Variants in MDGA2 observed in about 807,000 individuals in gnomAD.
MDGA2 encodes the protein MAM domain-containing glycosylphosphatidylinositol anchor protein 2.
In MDGA2, 40 loss-of-function variants were observed where a neutral mutation model predicts 117.8. The observed-to-expected ratio is 0.34, with a 90% confidence interval of 0.26 to 0.44. MDGA2 has a LOEUF of 0.44. MDGA2 is among the 20% of genes least tolerant of loss of function. The probability of loss-of-function intolerance (pLI) is 1.00; values close to 1 mark genes in which losing one functional copy is unlikely to be tolerated. For synonymous variants in MDGA2, 452 were observed against 439.0 expected (o/e 1.03, Z -0.37); for missense variants, 1,123 against 1,250.6 (o/e 0.90, Z 1.54).
Position 47,255,710 on chromosome 14 carries a change from C to T in MDGA2, c.421-37515G>A, listed in dbSNP as rs551922421. On this transcript the variant is annotated intron_variant, in intron 2 of 16. Transcript: ENST00000399232. The stretch of plus-strand genomic sequence containing the variant: ...TTTAATAGGTGCATTAGCTTTTATT[C>T]TGTCAACTGCTTGTCATAGTACCTC... 2.2e-4 allele frequency among the ~76,000 whole-genome samples: 34 copies of T among 152,010 alleles called. No homozygotes were observed. In the South Asian group the frequency reaches 6.6e-3, roughly 30 times the overall value.
intron 1 of MDGA2, among the ~76,000 whole-genome samples, chr14:47,421,101 C>T (rs7153379): frequency 0.24 from 36,448 of 151,962 alleles, 4,656 homozygotes; most frequent in Middle Eastern, 0.41. Context: ...TTACATTTTA[C>T]CTGGTCAATC....
chr14:47,526,536 C>A (rs140003309), intron 1 of MDGA2, among the ~76,000 whole-genome samples: 1 of 152,276 alleles, frequency 6.6e-6, no homozygotes, highest in Non-Finnish European at 1.5e-5. Flanking sequence ...TAACTTCTCT[C>A]TCCCCAGGAC....
intron 1 of MDGA2, among the ~76,000 whole-genome samples, chr14:47,463,921 T>C (rs1172365758): frequency 1.3e-5 from 2 of 152,172 alleles, no homozygotes; most frequent in Non-Finnish European, 2.9e-5. Flanking sequence ...TTAAATATAG[T>C]ATTTTACTTC....
At chr14:47,362,283 G>A (rs1891142393) in intron 1 of MDGA2, among the ~76,000 whole-genome samples, 1 of 152,060 alleles carries the variant, frequency 6.6e-6, no homozygotes, top group Admixed American at 6.6e-5. Context: ...ATATTAAAAT[G>A]AAGTTATAAA....
intron 1 of MDGA2, among the ~76,000 whole-genome samples, chr14:47,529,404 G>A (rs547889988): frequency 6.0e-4 from 92 of 152,138 alleles, no homozygotes; most frequent in African/African-American, 2.1e-3. Flanking sequence ...GAGATACTTT[G>A]ATATAGGCAT....
intron 8 of MDGA2, among the ~76,000 whole-genome samples, chr14:46,993,589 G>A (rs1046379581): frequency 6.6e-6 from 1 of 151,792 alleles, no homozygotes; most frequent in Admixed American, 6.6e-5. Flanking sequence ...AGCCTCCCGA[G>A]TATCTGGGAT....
intron 1 of MDGA2, among the ~76,000 whole-genome samples, chr14:47,317,926 A>T (rs1013960566): frequency 6.6e-6 from 1 of 152,010 alleles, no homozygotes; most frequent in South Asian, 2.1e-4. Context: ...TTCACGTTCA[A>T]CACCTCTCTT....
intron 1 of MDGA2, among the ~76,000 whole-genome samples, chr14:47,345,683 G>A (rs983742531): frequency 6.6e-6 from 1 of 151,988 alleles, no homozygotes; most frequent in African/African-American, 2.4e-5. Flanking sequence ...TTTCTCCACT[G>A]TAAGACTGAA....
At chr14:47,594,960 C>T (rs752788150) in intron 1 of MDGA2, among the ~76,000 whole-genome samples, 1 of 152,062 alleles carries the variant, frequency 6.6e-6, no homozygotes, top group African/African-American at 2.4e-5. Context: ...TTTATTAGTA[C>T]TTATTCTCCT....
chr14:47,268,509 AAAC>A (rs1888039870), intron 2 of MDGA2, among the ~76,000 whole-genome samples: 1 of 152,218 alleles, frequency 6.6e-6, no homozygotes, highest in South Asian at 2.1e-4. Flanking sequence ...ACAGGAATAC[AAAC>A]AATAGTCAGG....
intron 1 of MDGA2, among the ~76,000 whole-genome samples, chr14:47,673,556 G>T (rs1393885647): frequency 1.3e-5 from 2 of 151,674 alleles, no homozygotes; most frequent in Non-Finnish European, 2.9e-5. Context: ...CAAAAACACA[G>T]AAGTTATTTT....
chr14:47,295,146 A>G (rs1381503642), intron 2 of MDGA2, among the ~76,000 whole-genome samples: 5 of 152,220 alleles, frequency 3.3e-5, no homozygotes, highest in Admixed American at 2.0e-4. Context: ...GAAAAATATT[A>G]TTCAAATGAA....
At chr14:47,668,121 G>C (rs1390552324) in intron 1 of MDGA2, among the ~76,000 whole-genome samples, 1 of 152,112 alleles carries the variant, frequency 6.6e-6, no homozygotes. Context: ...AGAAAGCACA[G>C]ATCTTACTCA....
At chr14:47,340,743 T>G (rs2139944293) in intron 1 of MDGA2, among the ~76,000 whole-genome samples, 1 of 152,298 alleles carries the variant, frequency 6.6e-6, no homozygotes, top group African/African-American at 2.4e-5. Flanking sequence ...AGTTCCTCTT[T>G]TCTCATAAAT....
chr14:47,270,840 G>A (rs866331283), intron 2 of MDGA2, among the ~76,000 whole-genome samples: 2 of 152,096 alleles, frequency 1.3e-5, no homozygotes, highest in Non-Finnish European at 2.9e-5. Context: ...ATAGAAAGAC[G>A]TAGAAATATA....
At chr14:47,552,980 C>T (rs1895613235) in intron 1 of MDGA2, among the ~76,000 whole-genome samples, 1 of 152,192 alleles carries the variant, frequency 6.6e-6, no homozygotes, top group Non-Finnish European at 1.5e-5. Flanking sequence ...ATATTACCCT[C>T]TCAGGAAGAC....
intron 3 of MDGA2, among the ~76,000 whole-genome samples, chr14:47,146,997 T>C (rs1025745473): frequency 6.6e-6 from 1 of 152,160 alleles, no homozygotes; most frequent in African/African-American, 2.4e-5. Flanking sequence ...TGACTCATGT[T>C]TAGAAATTTC....
At chr14:47,012,413 TCAA>T (rs1011527613) in intron 8 of MDGA2, among the ~76,000 whole-genome samples, 1 of 152,168 alleles carries the variant, frequency 6.6e-6, no homozygotes, top group African/African-American at 2.4e-5. Context: ...CAATTTAGTG[TCAA>T]CTACTGAACT....
intron 10 of MDGA2, among the ~76,000 whole-genome samples, chr14:46,902,416 G>A (rs1333892695): frequency 1.3e-5 from 2 of 151,982 alleles, no homozygotes; most frequent in Admixed American, 6.6e-5. Context: ...ATTATATACA[G>A]TAGGTACTTT....
Sources: gnomAD v4.1 joint callset for allele counts (sites outside exome capture counted in the v4.1 genomes callset) on GRCh38, gnomAD v4.1.1 for gene constraint, MANE v1.5 for transcripts, NCBI Gene and HGNC (gene_info 2026-07-23, HGNC 2026-07-21) for gene names.